SIMC1: variants seen among roughly 807,000 people sequenced by gnomAD.
SIMC1 encodes the protein SUMO interacting motifs containing 1.
Under a neutral mutation model 82.3 loss-of-function variants are expected in SIMC1, and 55 were observed. That is an observed-to-expected ratio of 0.67 (90% CI 0.54 to 0.84). The LOEUF is 0.84. Ranked by LOEUF, SIMC1 falls within the 40% of genes least tolerant of loss-of-function variation. The pLI is 0.00. For synonymous variants in SIMC1, 353 were observed against 426.3 expected, an observed-to-expected ratio of 0.83 and a Z score of 2.12; for missense variants, 915 against 1,107.2, an observed-to-expected ratio of 0.83 and a Z score of 2.46.
chr5:176,288,423 G>GAATGAATAAATAAATAAATAAATA (rs1554109230), intron 1 of SIMC1, among the ~76,000 whole-genome samples: 2 of 126,800 alleles, frequency 1.6e-5, no homozygotes, highest in South Asian at 2.7e-4. Flanking sequence ...ATGAATGAAT[G>GAATGAATAAATAAATAAATAAATA]AATAAATAAA....
rs538293705 is a variant in SIMC1, at chr5:176,273,211, C to T, written c.130-16443C>T. On this transcript the variant is annotated intron_variant, in intron 1 of 9. Coordinates refer to ENST00000429602, the MANE Select transcript of SIMC1 (RefSeq NM_001308195.2). ...GAGGCTGACTGACACCTCATACAGCCGGGTGCCCCTCTGAGATGAAGCTTC... is the reference window on the plus strand; with the variant it reads ...GAGGCTGACTGACACCTCATACAGCTGGGTGCCCCTCTGAGATGAAGCTTC... Among the ~76,000 whole-genome samples the T allele has an allele frequency of 5.3e-5, 8 of 152,276 alleles. No individual in the cohort carries two copies. The East Asian group carries it at 1.2e-3, about 22-fold the overall frequency.
At chr5:176,331,646 A>G (rs996330114) in intron 7 of SIMC1, among the ~76,000 whole-genome samples, 10 of 151,668 alleles carry the variant, frequency 6.6e-5, no homozygotes, top group Non-Finnish European at 1.2e-4. Context: ...AGATAATTCA[A>G]AGAAAAACAG....
intron 7 of SIMC1, among the ~76,000 whole-genome samples, chr5:176,331,417 G>A (rs2113394361): frequency 6.7e-6 from 1 of 149,482 alleles, no homozygotes; most frequent in African/African-American, 2.5e-5. Flanking sequence ...GCAATGTAAA[G>A]CAATTCTCCT....
chr5:176,268,663 C>G (rs1327689587), intron 1 of SIMC1, among the ~76,000 whole-genome samples: 1 of 152,152 alleles, frequency 6.6e-6, no homozygotes, highest in Non-Finnish European at 1.5e-5. Flanking sequence ...CTAATAAATA[C>G]AGTTTCAAAA....
chr5:176,311,097 C>T (rs1321884168), intron 4 of SIMC1, among the ~76,000 whole-genome samples: 3 of 151,896 alleles, frequency 2.0e-5, no homozygotes, highest in Non-Finnish European at 4.4e-5. Context: ...CTGTAAGTGC[C>T]CATGAGGGAT....
At chr5:176,339,838 A>G (rs1046274570) in intron 9 of SIMC1, among the ~76,000 whole-genome samples, 1 of 152,186 alleles carries the variant, frequency 6.6e-6, no homozygotes, top group Non-Finnish European at 1.5e-5. Flanking sequence ...TAGTAGTTTG[A>G]AAACATTGTC....
intron 1 of SIMC1, among the ~76,000 whole-genome samples, chr5:176,269,339 GAATA>G (rs545778223): frequency 9.3e-4 from 141 of 152,208 alleles, no homozygotes; most frequent in African/African-American, 2.8e-3. Context: ...TAGGAATTGG[GAATA>G]AATCTATACA....
intron 1 of SIMC1, among the ~76,000 whole-genome samples, chr5:176,272,311 CA>C (rs1302791237): frequency 1.3e-5 from 2 of 148,628 alleles, no homozygotes; most frequent in Non-Finnish European, 3.0e-5. Flanking sequence ...TCTCAAAAAA[CA>C]AAAAGCAAGA....
intron 9 of SIMC1, among the ~76,000 whole-genome samples, chr5:176,340,785 A>C (rs1032927624): frequency 6.6e-6 from 1 of 152,228 alleles, no homozygotes; most frequent in African/African-American, 2.4e-5. Context: ...TGAAGGAAGT[A>C]CAAGTGCACA....
Position 176,290,336 on chromosome 5 carries a change from C to A in SIMC1, c.812C>A (p.Pro271His). 1 of 1,613,994 alleles carries A rather than the reference C, an allele frequency of 6.2e-7. No homozygotes were observed. Among genetic ancestry groups the A allele is most frequent in the Non-Finnish European group, 8.5e-7 (1 of 1,179,890 alleles). Residue 271 changes from proline to histidine, a missense_variant, in exon 2 of 10, where the codon CCT (proline) becomes CAT (histidine). By Grantham distance (77) the Pro-to-His change is moderately conservative (BLOSUM62 -2). Coordinates refer to ENST00000429602, the MANE Select transcript of SIMC1 (RefSeq NM_001308195.2). ...LTHPPQEVPCPRQNIPGPPQD... is the reference protein window; with the variant it reads ...LTHPPQEVPCHRQNIPGPPQD... ...CACCCACCTCAAGAAGTGCCATGCC[C>A]TCGGCAGAATATCCCAGGCCCACCT...
chr5:176,343,166 A>G (rs1766227298), intron 9 of SIMC1, among the ~76,000 whole-genome samples: 1 of 152,232 alleles, frequency 6.6e-6, no homozygotes, highest in African/African-American at 2.4e-5. Flanking sequence ...TATTGAATGT[A>G]TTACTTGAAA....
intron 4 of SIMC1, among the ~76,000 whole-genome samples, chr5:176,305,860 G>A (rs1370999735): frequency 3.6e-5 from 3 of 82,382 alleles, no homozygotes; most frequent in East Asian, 7.7e-4. Context: ...AGGTGGGGGG[G>A]GTCAGCCCCC....
chr5:176,333,588 C>T (rs1037798185), intron 7 of SIMC1, among the ~76,000 whole-genome samples: 1 of 151,908 alleles, frequency 6.6e-6, no homozygotes, highest in Non-Finnish European at 1.5e-5. Context: ...CACCACCACG[C>T]CCAGCTAATT....
chr5:176,315,321 A>C (rs1262580843), intron 5 of SIMC1, among the ~76,000 whole-genome samples: 1 of 152,158 alleles, frequency 6.6e-6, no homozygotes, highest in Non-Finnish European at 1.5e-5. Flanking sequence ...CGAGTGAACT[A>C]ATAGAGTGAG....
intron 4 of SIMC1, among the ~76,000 whole-genome samples, chr5:176,305,692 G>T (rs1240535408): frequency 1.1e-5 from 1 of 91,644 alleles, no homozygotes; most frequent in Non-Finnish European, 2.3e-5. Context: ...CAGCCGCCCC[G>T]TCCGGGAGGG....
intron 1 of SIMC1, among the ~76,000 whole-genome samples, chr5:176,280,472 G>A (rs1042086971): frequency 1.3e-5 from 2 of 151,890 alleles, no homozygotes; most frequent in Admixed American, 6.6e-5. Context: ...ATTTGAACCT[G>A]TCATTATGAT....
At chr5:176,246,006 G>T (rs911772243) in intron 1 of SIMC1, among the ~76,000 whole-genome samples, 1 of 149,598 alleles carries the variant, frequency 6.7e-6, no homozygotes, top group African/African-American at 2.5e-5. Context: ...AGCTCTATTT[G>T]TCAAGGTTTT....
At chr5:176,327,019 T>G (rs1327659653) in intron 7 of SIMC1, among the ~76,000 whole-genome samples, 1 of 152,228 alleles carries the variant, frequency 6.6e-6, no homozygotes, top group Non-Finnish European at 1.5e-5. Context: ...GTTGTACTGG[T>G]CAGACAGAAG....
At chr5:176,247,127 A>G (rs1761478076) in intron 1 of SIMC1, among the ~76,000 whole-genome samples, 1 of 152,120 alleles carries the variant, frequency 6.6e-6, no homozygotes, top group Non-Finnish European at 1.5e-5. Flanking sequence ...TATACCCAGT[A>G]ATGGGATTGC....
Sources: allele counts gnomAD v4.1 joint callset (sites outside exome capture counted in the v4.1 genomes callset), GRCh38; gene constraint gnomAD v4.1.1; transcripts MANE v1.5; gene names NCBI Gene and HGNC (gene_info 2026-07-23, HGNC 2026-07-21).